Variants in SPRED2 observed in about 807,000 individuals in gnomAD.
The protein encoded by SPRED2 is sprouty related EVH1 domain containing 2.
Under a neutral mutation model 43.0 loss-of-function variants are expected in SPRED2, and 47 were observed. The observed-to-expected ratio is 1.09, with a 90% CI of 0.87 to 1.40. The LOEUF is 1.40. Ranked by LOEUF, SPRED2 falls within the 40% of genes most tolerant of loss-of-function variation. The pLI, the probability that SPRED2 is intolerant of heterozygous loss-of-function variation, is 0.00. For missense variants in SPRED2, 561 were observed against 586.4 expected, an observed-to-expected ratio of 0.96 and a Z score of 0.45; for synonymous variants, 225 against 225.7, an observed-to-expected ratio of 1.00 and a Z score of 0.03.
chr2:65,392,088 C>T (rs1487608219), intron 1 of SPRED2, among the ~76,000 whole-genome samples: 3 of 150,144 alleles, frequency 2.0e-5, no homozygotes, highest in Non-Finnish European at 4.4e-5. Flanking sequence ...GCAAATTTTA[C>T]ATATTTGTTA....
Position 65,313,437 on chromosome 2 carries a change from G to T in SPRED2, c.*64C>A. 1 of 1,534,868 alleles carries T rather than the reference G, an allele frequency of 6.5e-7. No homozygotes were observed. Among genetic ancestry groups the T allele is most frequent in the Non-Finnish European group, 8.7e-7 (1 of 1,143,896 alleles). ...AGTGGAAGGGAGCGGGGGAGAAGAT[G>T]AGAGTATGTAAGAGACGAGTTCCCC... On this transcript the variant is annotated 3_prime_UTR_variant, in exon 6 of 6. Transcript: ENST00000356388.
intron 1 of SPRED2, among the ~76,000 whole-genome samples, chr2:65,360,079 C>CAA (rs143422380): frequency 2.1e-4 from 20 of 93,700 alleles, no homozygotes; most frequent in Admixed American, 3.2e-4. Context: ...AAAAAAAAAA[C>CAA]AAAAAAAAAC....
In SPRED2 at chr2:65,401,133, A is replaced by AT. The variant is rs879716281; in HGVS notation, c.26+30828dup. Among the ~76,000 whole-genome samples, 332 of 142,818 alleles carry AT rather than the reference A, an allele frequency of 2.3e-3. 1 individual carries two copies. The highest frequency in any genetic ancestry group is 8.4e-3 in the East Asian group (41 of 4,882). 93.7% of individuals were successfully genotyped at this position (142,818 alleles called of 152,430 possible). A position where few individuals can be genotyped will look rare whatever the true frequency, so the allele number is the denominator to read the frequency against. ...CAGACGTACCACACCACGCCTGGCA[A>AT]TTTTTTTTTTTTTTTATTTCTTAGT... On this transcript the variant is annotated intron_variant, in intron 1 of 5. Coordinates refer to ENST00000356388, the MANE Select transcript of SPRED2 (RefSeq NM_181784.3).
chr2:65,376,359 A>AGTG (rs1312422914), intron 1 of SPRED2, among the ~76,000 whole-genome samples: 1 of 152,236 alleles, frequency 6.6e-6, no homozygotes, highest in Non-Finnish European at 1.5e-5. Flanking sequence ...GTGGATAAGC[A>AGTG]GTGGCCAGAA....
chr2:65,415,797 T>C (rs988803619), intron 1 of SPRED2, among the ~76,000 whole-genome samples: 1 of 152,236 alleles, frequency 6.6e-6, no homozygotes, highest in African/African-American at 2.4e-5. Context: ...TATTGGCTCT[T>C]ACAATTTGCT....
chr2:65,316,927 C>T (rs968651060), intron 4 of SPRED2, 44 bp from the exon 5 acceptor site: 3 of 1,600,320 alleles, frequency 1.9e-6, no homozygotes, highest in East Asian at 2.2e-5. Flanking sequence ...AAAACAACAA[C>T]AAAAACCCCA....
chr2:65,311,059 T>C lies in SPRED2; in HGVS notation c.*2442A>G. ...ATACAGGTAAAGAATGAATTATGCTTCAGGCACTTTAATTTGTTAATGTGA... is the reference window on the plus strand; with the variant it reads ...ATACAGGTAAAGAATGAATTATGCTCCAGGCACTTTAATTTGTTAATGTGA... On this transcript the variant is annotated 3_prime_UTR_variant, in exon 6 of 6. Coordinates refer to ENST00000356388, the MANE Select transcript of SPRED2 (RefSeq NM_181784.3). The C allele has an allele frequency of 1.0e-6, 1 of 985,638 alleles. No individual in the cohort carries two copies. 61.1% of individuals were successfully genotyped at this position (985,638 alleles called of 1,614,324 possible).
chr2:65,337,319 AACTT>A (rs1334288132), intron 2 of SPRED2, among the ~76,000 whole-genome samples: 1 of 152,220 alleles, frequency 6.6e-6, no homozygotes, highest in African/African-American at 2.4e-5. Context: ...ATTAGACACT[AACTT>A]AAAACTTGAG....
At chr2:65,425,688 T>C (rs1676540431) in intron 1 of SPRED2, among the ~76,000 whole-genome samples, 1 of 152,212 alleles carries the variant, frequency 6.6e-6, no homozygotes, top group Non-Finnish European at 1.5e-5. Context: ...GGAGCATCAA[T>C]ACAAAATATT....
intron 2 of SPRED2, among the ~76,000 whole-genome samples, chr2:65,340,684 T>G (rs1674150027): frequency 6.6e-6 from 1 of 152,208 alleles, no homozygotes; most frequent in Non-Finnish European, 1.5e-5. Context: ...AACAGAGACT[T>G]TTCCCACAGA....
chr2:65,422,329 AAAAGG>A (rs1676448950), intron 1 of SPRED2, among the ~76,000 whole-genome samples: 3 of 152,164 alleles, frequency 2.0e-5, no homozygotes, highest in Non-Finnish European at 4.4e-5. Context: ...GAGGGGAAGA[AAAAGG>A]AAAACAACTC....
intron 1 of SPRED2, among the ~76,000 whole-genome samples, chr2:65,402,483 T>C (rs1675928991): frequency 6.6e-6 from 1 of 152,110 alleles, no homozygotes; most frequent in Non-Finnish European, 1.5e-5. Context: ...GATATAACTC[T>C]GGAGTTCTGA....
At chr2:65,370,137 C>A (rs67404371) in intron 1 of SPRED2, among the ~76,000 whole-genome samples, 40,962 of 152,020 alleles carry the variant, frequency 0.27, 6,879 homozygotes, top group East Asian at 0.7. Flanking sequence ...TTACTTGTTC[C>A]AAATTCAACC....
intron 1 of SPRED2, among the ~76,000 whole-genome samples, chr2:65,360,973 A>G (rs922170272): frequency 5.3e-5 from 8 of 152,232 alleles, no homozygotes; most frequent in African/African-American, 1.9e-4. Flanking sequence ...GGGAGGCCAA[A>G]GCAGGAGGAT....
chr2:65,323,932 G>A (rs1341899217), intron 4 of SPRED2, among the ~76,000 whole-genome samples: 1 of 151,894 alleles, frequency 6.6e-6, no homozygotes, highest in Non-Finnish European at 1.5e-5. Context: ...TGCTTTGCGG[G>A]ATGTGGGCTC....
At chr2:65,316,938 C>A in intron 4 of SPRED2, 55 bp from the exon 5 acceptor site, 2 of 1,571,636 alleles carry the variant, frequency 1.3e-6, no homozygotes, top group Non-Finnish European at 1.7e-6. Flanking sequence ...AAAAACCCCA[C>A]GCAGCAAACC....
Position 65,332,243 on chromosome 2 carries a change from TA to T in SPRED2, c.374-193del. The T allele has an allele frequency of 6.8e-6, 3 of 441,594 alleles. No homozygotes were observed. The South Asian group carries it at 8.0e-5, about 12-fold the overall frequency. The allele number at this position is 441,594 out of a possible 1,614,324, so 27.4% of individuals were successfully genotyped here. A position where few individuals can be genotyped will look rare whatever the true frequency, so the allele number is the denominator to read the frequency against. The stretch of plus-strand genomic sequence containing the variant: ...AATTGATTCTTGCCAGGATGCTCCC[TA>T]AATTAACTTTGCCTGCTGTTGTTCC... On this transcript the variant is annotated intron_variant, in intron 3 of 5. Transcript: ENST00000356388.
At chr2:65,421,516 C>T (rs1349085004) in intron 1 of SPRED2, among the ~76,000 whole-genome samples, 2 of 152,190 alleles carry the variant, frequency 1.3e-5, no homozygotes, top group Non-Finnish European at 2.9e-5. Flanking sequence ...TTGAGAAGCA[C>T]GGCTACAGGA....
chr2:65,398,443 C>G (rs1306967649), intron 1 of SPRED2, among the ~76,000 whole-genome samples: 1 of 152,076 alleles, frequency 6.6e-6, no homozygotes, highest in Non-Finnish European at 1.5e-5. Flanking sequence ...AGTTAGCAGA[C>G]AACCCGCAGA....
Sources: gnomAD v4.1 joint callset for allele counts (sites outside exome capture counted in the v4.1 genomes callset) on GRCh38, gnomAD v4.1.1 for gene constraint, MANE v1.5 for transcripts, NCBI Gene and HGNC (gene_info 2026-07-23, HGNC 2026-07-21) for gene names.